ZFHX4: variants seen among roughly 807,000 people sequenced by gnomAD.
ZFHX4 encodes zinc finger homeobox protein 4.
Under a neutral mutation model 267.6 loss-of-function variants are expected in ZFHX4, and 56 were observed. The ratio of observed to expected loss-of-function variants is 0.21; its 90% CI spans 0.17 to 0.26. The LOEUF (loss-of-function observed/expected upper bound fraction) is 0.26. ZFHX4 is among the 10% of genes least tolerant of loss of function. The probability of loss-of-function intolerance (pLI) is 1.00; values close to 1 mark genes in which losing one functional copy is unlikely to be tolerated. For synonymous variants in ZFHX4, 1,778 were observed against 1,665.6 expected, an observed-to-expected ratio of 1.07 and a Z score of -1.64; for missense variants, 4,332 against 4,420.0, an observed-to-expected ratio of 0.98 and a Z score of 0.56.
chr8:76,855,195 A>C lies in ZFHX4; in HGVS notation c.8274A>C (p.Lys2758Asn). 6.2e-7 allele frequency: 1 copy of C among 1,613,212 alleles called. No individual in the cohort carries two copies. The highest frequency in any genetic ancestry group is 2.2e-5 in the East Asian group (1 of 44,822). ...LASTVSTPVSKTAELSPKNLL... is the reference protein window; with the variant it reads ...LASTVSTPVSNTAELSPKNLL... ...CTACAGTGTCAACACCTGTTAGTAA[A>C]ACAGCAGAGCTGTCACCGAAGAATC... is the stretch of plus-strand genomic sequence containing the variant. Residue 2758 changes from lysine to asparagine, a missense_variant, in exon 10 of 11, where the codon AAA (lysine) becomes AAC (asparagine). Coordinates refer to ENST00000651372, the MANE Select transcript of ZFHX4 (RefSeq NM_024721.5).
rs766915735 is a variant in ZFHX4, at chr8:76,853,282, C to A, written c.6361C>A (p.Pro2121Thr). 4 of 1,605,524 alleles carry A rather than the reference C, an allele frequency of 2.5e-6. No homozygotes were observed. In the Admixed American group the frequency reaches 5.1e-5, roughly 21 times the overall value. ...TTGCCAGCAGCAGCTCGGATTAGAT[C>A]CCAACTTCTTAAGACATTCTCAGTT... ...QLCQQQLGLD[P>T]NFLRHSQFKR... Residue 2121 changes from proline to threonine, a missense_variant, in exon 10 of 11, where the codon CCC becomes ACC. Coordinates refer to ENST00000651372, the MANE Select transcript of ZFHX4 (RefSeq NM_024721.5).
intron 3 of ZFHX4, among the ~76,000 whole-genome samples, chr8:76,752,486 C>A (rs2728447): frequency 0.94 from 117,367 of 124,956 alleles, 54,936 homozygotes; most frequent in South Asian, 0.97. Flanking sequence ...TACCAAAAAT[C>A]CAAAAAAAAA....
chr8:76,833,638 C>CCCTCT, intron 5 of ZFHX4: 1 of 429,832 alleles, frequency 2.3e-6, no homozygotes, highest in Non-Finnish European at 4.3e-6. Context: ...TTCCCCAATA[C>CCCTCT]CCTCTCCCCT....
chr8:76,789,861 A>G (rs1341719933), intron 4 of ZFHX4, among the ~76,000 whole-genome samples: 1 of 152,176 alleles, frequency 6.6e-6, no homozygotes, highest in Non-Finnish European at 1.5e-5. Context: ...ACAATTTTTC[A>G]GATATGAATG....
intron 4 of ZFHX4, among the ~76,000 whole-genome samples, chr8:76,794,067 A>AT (rs1256098633): frequency 6.6e-6 from 1 of 152,122 alleles, no homozygotes; most frequent in South Asian, 2.1e-4. Flanking sequence ...GAACTTTTTT[A>AT]TTTTTTTGGT....
intron 1 of ZFHX4, among the ~76,000 whole-genome samples, chr8:76,700,029 G>A (rs540101655): frequency 6.6e-6 from 1 of 152,074 alleles, no homozygotes; most frequent in African/African-American, 2.4e-5. Context: ...AACTCACTAT[G>A]ACATATTGAT....
chr8:76,853,217 T>C lies in ZFHX4; in HGVS notation c.6296T>C (p.Leu2099Pro). ...CTTCCTCCCCAGCTTGCCCTGCAGC[T>C]GCCACAGATGGACGCACTCTCTGCA... ...PALPPQLALQ[L>P]PQMDALSADL... Residue 2099 changes from leucine (L) to proline (P), a missense_variant, in exon 10 of 11, where the codon CTG becomes CCG. Leu to Pro is a moderately conservative substitution (Grantham distance 98). This residue lies in a region of ZFHX4 where 1,371 missense variants were observed against 1,423.1 expected (regional missense o/e 0.96). Transcript: ENST00000651372. 6.4e-7 allele frequency: 1 copy of C among 1,566,766 alleles called. No individual in the cohort carries two copies. The highest frequency in any genetic ancestry group is 8.7e-7 in the Non-Finnish European group (1 of 1,155,480).
chr8:76,770,781 G>A (rs57629012), intron 3 of ZFHX4, among the ~76,000 whole-genome samples: 2,391 of 152,164 alleles, frequency 0.016, 70 homozygotes, highest in African/African-American at 0.053. Flanking sequence ...ACAGGTGAAG[G>A]GGGGAAGGTA....
At chr8:76,749,470 G>C (rs1245553506) in intron 3 of ZFHX4, among the ~76,000 whole-genome samples, 4 of 152,126 alleles carry the variant, frequency 2.6e-5, no homozygotes, top group Non-Finnish European at 5.9e-5. Flanking sequence ...TTCTTGATGA[G>C]ATGTTCAGAA....
intron 3 of ZFHX4, among the ~76,000 whole-genome samples, chr8:76,750,134 C>T (rs770253075): frequency 5.3e-5 from 8 of 152,074 alleles, no homozygotes; most frequent in Non-Finnish European, 1.2e-4. Flanking sequence ...AGATGCTGAC[C>T]TGTTAGTGAT....
chr8:76,844,123 T>A (rs1007563791), intron 6 of ZFHX4, among the ~76,000 whole-genome samples: 2 of 152,132 alleles, frequency 1.3e-5, no homozygotes, highest in Non-Finnish European at 2.9e-5. Context: ...AAGTACCTAG[T>A]GATAAGTTAA....
At chr8:76,862,150 A>C (rs1298617054) in intron 10 of ZFHX4, among the ~76,000 whole-genome samples, 1 of 152,192 alleles carries the variant, frequency 6.6e-6, no homozygotes, top group Non-Finnish European at 1.5e-5. Flanking sequence ...AGCTCATAAA[A>C]ATGGCTGTGT....
At chr8:76,759,238 C>G (rs969301619) in intron 3 of ZFHX4, among the ~76,000 whole-genome samples, 1 of 152,106 alleles carries the variant, frequency 6.6e-6, no homozygotes, top group African/African-American at 2.4e-5. Context: ...AAATGTTAAA[C>G]TAGGTAACAC....
chr8:76,688,329 TTG>T (rs767043466), intron 1 of ZFHX4, among the ~76,000 whole-genome samples: 39 of 152,008 alleles, frequency 2.6e-4, no homozygotes, highest in Non-Finnish European at 3.5e-4. Flanking sequence ...TGGGAAAGAG[TTG>T]TGTAATCTGA....
intron 5 of ZFHX4, among the ~76,000 whole-genome samples, chr8:76,837,333 T>G (rs948986031): frequency 3.3e-5 from 5 of 152,076 alleles, no homozygotes; most frequent in Middle Eastern, 3.4e-3. Context: ...AAGAGTAACA[T>G]CGGTCGAGCA....
At chr8:76,683,835 G>A (rs1003860009) in intron 1 of ZFHX4, 1 of 151,886 alleles carries the variant, frequency 6.6e-6, no homozygotes, top group Non-Finnish European at 1.5e-5. Flanking sequence ...GAGAGGCTGC[G>A]GCTGCCGCTG....
At chr8:76,709,003 G>A (rs1808352310) in intron 3 of ZFHX4, among the ~76,000 whole-genome samples, 1 of 152,126 alleles carries the variant, frequency 6.6e-6, no homozygotes, top group Admixed American at 6.6e-5. Context: ...AATCCATTTT[G>A]CAAGTGTTGT....
intron 6 of ZFHX4, among the ~76,000 whole-genome samples, chr8:76,847,522 A>G (rs1462184493): frequency 6.6e-6 from 1 of 152,108 alleles, no homozygotes; most frequent in South Asian, 2.1e-4. Flanking sequence ...AATCAGTAGT[A>G]TCAGTATAAT....
In ZFHX4 at chr8:76,853,549, C is replaced by G. The variant is rs1470500140; in HGVS notation, c.6628C>G (p.Pro2210Ala). 1 of 1,613,734 alleles carries G rather than the reference C, an allele frequency of 6.2e-7. No homozygotes were observed. The highest frequency in any genetic ancestry group is 1.3e-5 in the African/African-American group (1 of 74,890). The change falls in exon 10 of 11, where the codon CCA becomes GCA. Residue 2210 changes from proline to alanine, a missense_variant. Around this residue, in one of 7 missense-constraint regions of ZFHX4, gnomAD observed 48 missense variants for 95.4 expected, o/e 0.50. Coordinates refer to ENST00000651372, the MANE Select transcript of ZFHX4 (RefSeq NM_024721.5). ...GGTTTTAGAAGATATCAGAATTGAT[C>G]CACAGCCCACCTCTTTAGAACATTA... ...ITVLEDIRIDPQPTSLEHYKS... is the reference protein window; with the variant it reads ...ITVLEDIRIDAQPTSLEHYKS...
Sources: gnomAD v4.1 joint callset for allele counts (sites outside exome capture counted in the v4.1 genomes callset) on GRCh38, gnomAD v4.1.1 for gene constraint, gnomAD v4.1.1 regional missense constraint, MANE v1.5 for transcripts, NCBI Gene and HGNC (gene_info 2026-07-23, HGNC 2026-07-21) for gene names.